SCAPER: variants seen among roughly 807,000 people sequenced by gnomAD.
SCAPER encodes S phase cyclin A-associated protein in the endoplasmic reticulum.
SCAPER carries 98 observed loss-of-function variants against 182.2 expected under a neutral mutation model. That is an observed-to-expected ratio of 0.54 (90% CI 0.46 to 0.64). SCAPER has a LOEUF of 0.64. SCAPER is among the 30% of genes least tolerant of loss of function. The probability of loss-of-function intolerance (pLI) is 0.00; values close to 1 mark genes in which losing one functional copy is unlikely to be tolerated. For missense variants in SCAPER, 1,432 were observed against 1,690.0 expected (o/e 0.85, Z 2.68); for synonymous variants, 605 against 564.6 (o/e 1.07, Z -1.01).
rs568057531 is a variant in SCAPER at position 76,617,988 on chromosome 15, A to T, written c.2711+3776T>A. On this transcript the variant is annotated intron_variant, in intron 22 of 31. Coordinates refer to ENST00000563290, the MANE Select transcript of SCAPER (RefSeq NM_020843.4). ...AAAAAATCTCTTCCAGCTGGGCATGATGGCTCACACCTATAATCCCAGCAC... is the reference window on the plus strand; with the variant it reads ...AAAAAATCTCTTCCAGCTGGGCATGTTGGCTCACACCTATAATCCCAGCAC... 2.0e-5 allele frequency among the ~76,000 whole-genome samples: 3 copies of T among 152,224 alleles called. No individual in the cohort carries two copies. The East Asian group carries it at 5.8e-4, about 29-fold the overall frequency.
chr15:76,553,417 G>A (rs935702691), intron 23 of SCAPER, among the ~76,000 whole-genome samples: 7 of 152,150 alleles, frequency 4.6e-5, no homozygotes, highest in Admixed American at 2.6e-4. Flanking sequence ...CACAGATGGC[G>A]GGAATGTATG....
chr15:76,391,570 A>G (rs1463046162), intron 27 of SCAPER, among the ~76,000 whole-genome samples: 1 of 152,200 alleles, frequency 6.6e-6, no homozygotes, highest in Non-Finnish European at 1.5e-5. Context: ...CCTATTTCCT[A>G]ACTCAGAGAA....
chr15:76,528,092 C>T (rs1272115227), intron 23 of SCAPER, among the ~76,000 whole-genome samples: 1 of 152,018 alleles, frequency 6.6e-6, no homozygotes, highest in Non-Finnish European at 1.5e-5. Context: ...GTTTTGCAGG[C>T]CAAGAAGCAA....
chr15:76,774,149 A>G (rs906081170), intron 9 of SCAPER, among the ~76,000 whole-genome samples: 1 of 152,040 alleles, frequency 6.6e-6, no homozygotes, highest in Non-Finnish European at 1.5e-5. Flanking sequence ...CTCAAAGTTA[A>G]TAACAAACCT....
chr15:76,711,565 T>C (rs932549891), intron 17 of SCAPER, among the ~76,000 whole-genome samples: 1 of 152,230 alleles, frequency 6.6e-6, no homozygotes, highest in African/African-American at 2.4e-5. Flanking sequence ...AACTCTCATG[T>C]GCTGCTGATG....
intron 24 of SCAPER, among the ~76,000 whole-genome samples, chr15:76,484,131 T>G (rs774581498): frequency 6.6e-6 from 1 of 152,130 alleles, no homozygotes; most frequent in Admixed American, 6.6e-5. Flanking sequence ...TTGATACACA[T>G]TCATACAATG....
intron 17 of SCAPER, among the ~76,000 whole-genome samples, chr15:76,719,354 T>C (rs1191747767): frequency 6.6e-6 from 1 of 151,902 alleles, no homozygotes; most frequent in African/African-American, 2.4e-5. Context: ...TATACAGAGA[T>C]AGAAAACAAG....
chr15:76,819,485 T>C (rs1234617921), intron 5 of SCAPER, among the ~76,000 whole-genome samples: 1 of 152,224 alleles, frequency 6.6e-6, no homozygotes, highest in Non-Finnish European at 1.5e-5. Context: ...GGGTCTGGAA[T>C]GGACCTCCAG....
intron 27 of SCAPER, among the ~76,000 whole-genome samples, chr15:76,387,481 G>A (rs1401571651): frequency 6.6e-6 from 1 of 152,158 alleles, no homozygotes; most frequent in African/African-American, 2.4e-5. Context: ...AAATTCAGAG[G>A]AGGAGTCTCG....
chr15:76,862,325 T>C (rs1317624682), intron 3 of SCAPER, 91 bp downstream of exon 3: 34 of 730,192 alleles, frequency 4.7e-5, no homozygotes, highest in Admixed American at 2.3e-4. Context: ...CCTAGAAGTC[T>C]AATTGCAAAC....
At chr15:76,547,969 T>G (rs1025646421) in intron 23 of SCAPER, among the ~76,000 whole-genome samples, 3 of 152,190 alleles carry the variant, frequency 2.0e-5, no homozygotes, top group African/African-American at 7.2e-5. Context: ...GAATCTTACT[T>G]ATGATTTAAG....
At chr15:76,550,659 G>A (rs939249538) in intron 23 of SCAPER, among the ~76,000 whole-genome samples, 1 of 152,144 alleles carries the variant, frequency 6.6e-6, no homozygotes, top group Non-Finnish European at 1.5e-5. Flanking sequence ...AAACATACGT[G>A]TGCATGTATC....
At chr15:76,638,886 T>G (rs1848466997) in intron 21 of SCAPER, among the ~76,000 whole-genome samples, 1 of 152,194 alleles carries the variant, frequency 6.6e-6, no homozygotes, top group South Asian at 2.1e-4. Context: ...TTTATTTAAT[T>G]TTCATAATAA....
At chr15:76,748,683 G>A (rs1029501735) in intron 15 of SCAPER, among the ~76,000 whole-genome samples, 3 of 150,956 alleles carry the variant, frequency 2.0e-5, no homozygotes, top group African/African-American at 7.3e-5. Flanking sequence ...TAAAATGTGA[G>A]CAAAGGATTT....
chr15:76,552,237 C>T (rs545782093), intron 23 of SCAPER, among the ~76,000 whole-genome samples: 7 of 152,118 alleles, frequency 4.6e-5, no homozygotes, highest in East Asian at 1.9e-4. Context: ...GAGCTGACTG[C>T]GTCACTGCAC....
intron 20 of SCAPER, among the ~76,000 whole-genome samples, chr15:76,690,467 A>G (rs1326187050): frequency 1.3e-5 from 2 of 152,192 alleles, no homozygotes; most frequent in South Asian, 2.1e-4. Flanking sequence ...GAAAAAGAAC[A>G]GTATTGGAAA....
At chr15:76,404,481 T>G (rs2044681221) in intron 27 of SCAPER, 43 bp downstream of exon 27, 2 of 1,550,606 alleles carry the variant, frequency 1.3e-6, no homozygotes, top group South Asian at 2.4e-5. Flanking sequence ...TCAAGAGATG[T>G]TCCAAAAGTT....
At chr15:76,410,867 T>C (rs531161877) in intron 26 of SCAPER, among the ~76,000 whole-genome samples, 35 of 121,308 alleles carry the variant, frequency 2.9e-4, no homozygotes, top group African/African-American at 8.3e-4. Context: ...TTGTCTATCC[T>C]TCACATCTCT....
intron 22 of SCAPER, among the ~76,000 whole-genome samples, chr15:76,590,160 G>A (rs1014056522): frequency 3.3e-5 from 5 of 152,152 alleles, no homozygotes; most frequent in Non-Finnish European, 7.4e-5. Flanking sequence ...CACACACACT[G>A]CTCTGTCTGT....
Sources: allele counts gnomAD v4.1 joint callset (sites outside exome capture counted in the v4.1 genomes callset), GRCh38; gene constraint gnomAD v4.1.1; transcripts MANE v1.5; gene names NCBI Gene and HGNC (gene_info 2026-07-23, HGNC 2026-07-21).